The following RIMBP2 variants were observed in gnomAD, a reference collection of about 807,000 sequenced individuals.
RIMBP2 encodes RIMS binding protein 2, also known as RIMS-binding protein 2.
In RIMBP2, 48 loss-of-function variants were observed where a neutral mutation model predicts 118.6. That is an observed-to-expected ratio of 0.40 (90% CI 0.32 to 0.51). The LOEUF is 0.51. Among genes scored for constraint, RIMBP2 ranks in the 20% least tolerant of loss-of-function variants. The pLI is 0.41. For missense variants in RIMBP2, 1,551 were observed against 1,768.3 expected (o/e 0.88, Z 2.20); for synonymous variants, 762 against 742.9 (o/e 1.03, Z -0.42).
chr12:130,646,373 A>ACTTG, intron 1 of RIMBP2, among the ~76,000 whole-genome samples: 1 of 128,668 alleles, frequency 7.8e-6, no homozygotes, highest in Admixed American at 7.8e-5. Flanking sequence ...CTCCCTCACC[A>ACTTG]CCTCCCTCAC....
rs2078932856 is a variant in RIMBP2 at position 130,450,726 on chromosome 12, T to C, written c.505-450A>G. Among the ~76,000 whole-genome samples the C allele has an allele frequency of 6.7e-6, 1 of 148,818 alleles. No homozygotes were observed. Among genetic ancestry groups the C allele is most frequent in the Non-Finnish European group, 1.5e-5 (1 of 67,586 alleles). The stretch of plus-strand genomic sequence containing the variant: ...GCAGGAATTAGACCACATCACCCCC[T>C]GCCTTAACAGCTTTCAGTGGCTTCA... On this transcript the variant is annotated intron_variant, in intron 8 of 22. Transcript: ENST00000690449. This position sits in a 1 kb window ranked among gnomAD's most constrained non-coding sequence, Gnocchi z 4.8.
chr12:130,611,527 G>T (rs950772730), intron 2 of RIMBP2, among the ~76,000 whole-genome samples: 2 of 152,216 alleles, frequency 1.3e-5, no homozygotes, highest in Non-Finnish European at 2.9e-5. Flanking sequence ...CGCTGCAGGT[G>T]TAAGTGGCAG....
rs770519788 is a variant in RIMBP2 at position 130,478,992 on chromosome 12, G to A, written c.22C>T (p.Arg8Trp). The change falls in exon 5 of 23, where the codon CGG (arginine) becomes TGG (tryptophan). Residue 8 changes from arginine (R) to tryptophan (W), a missense_variant. This residue lies in a region of RIMBP2 where 239 missense variants were observed against 256.8 expected (regional missense o/e 0.93). Transcript: ENST00000690449. Reference sequence around the variant, plus strand: ...TCATGCTCCAACTGCAGCTGCTGCCGCCGTTCAGCCGCCTCTCGCATATGC... The same window carrying A: ...TCATGCTCCAACTGCAGCTGCTGCCACCGTTCAGCCGCCTCTCGCATATGC... MREAAERRQQLQLEHDQA... is the reference protein window; with the variant it reads MREAAERWQQLQLEHDQA... 5 of 1,613,598 alleles carry A rather than the reference G, an allele frequency of 3.1e-6. No individual in the cohort carries two copies. The highest frequency in any genetic ancestry group is 2.2e-5 in the South Asian group (2 of 91,046).
chr12:130,676,628 A>G (rs976243576), intron 1 of RIMBP2, among the ~76,000 whole-genome samples: 3 of 151,900 alleles, frequency 2.0e-5, no homozygotes, highest in Non-Finnish European at 4.4e-5. Context: ...GTCTCAAAAA[A>G]AAAAAGAAAA....
intron 2 of RIMBP2, among the ~76,000 whole-genome samples, chr12:130,605,203 T>C (rs2140484626): frequency 6.6e-6 from 1 of 152,298 alleles, no homozygotes; most frequent in South Asian, 2.1e-4. Flanking sequence ...ATACATACTA[T>C]CCTAATAATA....
At chr12:130,423,397 T>G (rs2076541988) in intron 16 of RIMBP2, among the ~76,000 whole-genome samples, 1 of 152,218 alleles carries the variant, frequency 6.6e-6, no homozygotes, top group Non-Finnish European at 1.5e-5. Context: ...GCACACGGCC[T>G]CAGACCCAAG....
rs559908302 is a variant in RIMBP2 at position 130,656,607 on chromosome 12, C to T, written c.-351-28151G>A. On this transcript the variant is annotated intron_variant, in intron 1 of 22. Transcript: ENST00000690449. Reference sequence around the variant, plus strand: ...GGCTCCCCCTGACTCCTGGCAGCCTCAGGCACTCCTCCGCTTGTGAGCGAC... The same window carrying T: ...GGCTCCCCCTGACTCCTGGCAGCCTTAGGCACTCCTCCGCTTGTGAGCGAC... Among the ~76,000 whole-genome samples, 6 of 152,288 alleles carry T rather than the reference C, an allele frequency of 3.9e-5. No individual in the cohort carries two copies. In the East Asian group the frequency reaches 1.2e-3, roughly 29 times the overall value.
intron 19 of RIMBP2, among the ~76,000 whole-genome samples, chr12:130,409,335 T>TC (rs1201575124): frequency 2.0e-5 from 2 of 98,518 alleles, no homozygotes; most frequent in African/African-American, 4.3e-5. Context: ...AATGTAGCTT[T>TC]TTTTTTTTTT....
chr12:130,460,488 T>C (rs1164463393), intron 6 of RIMBP2, among the ~76,000 whole-genome samples: 1 of 152,084 alleles, frequency 6.6e-6, no homozygotes, highest in African/African-American at 2.4e-5. Context: ...AGGAATAGCA[T>C]TGGTATGAGT....
chr12:130,697,357 C>T (rs1417399239), intron 1 of RIMBP2, among the ~76,000 whole-genome samples: 1 of 152,102 alleles, frequency 6.6e-6, no homozygotes, highest in Admixed American at 6.6e-5. Flanking sequence ...CCCCTCTCTA[C>T]AAAATATCTC....
chr12:130,463,373 G>A (rs2080177416), intron 6 of RIMBP2, among the ~76,000 whole-genome samples: 4 of 152,196 alleles, frequency 2.6e-5, no homozygotes, highest in Admixed American at 2.6e-4. Flanking sequence ...GTCCGGACCA[G>A]GCAGGAACAG....
chr12:130,573,266 A>G (rs1302976639), intron 2 of RIMBP2, among the ~76,000 whole-genome samples: 1 of 151,984 alleles, frequency 6.6e-6, no homozygotes, highest in Non-Finnish European at 1.5e-5. Context: ...TAACAAAGTA[A>G]AAGACTCGGA....
At chr12:130,519,694 C>T (rs1345548441) in intron 2 of RIMBP2, among the ~76,000 whole-genome samples, 1 of 152,146 alleles carries the variant, frequency 6.6e-6, no homozygotes, top group Non-Finnish European at 1.5e-5. Flanking sequence ...CCAAGGTAAA[C>T]TAAGGCAGCA....
chr12:130,572,473 C>A (rs908829205), intron 2 of RIMBP2, among the ~76,000 whole-genome samples: 1 of 152,086 alleles, frequency 6.6e-6, no homozygotes, highest in African/African-American at 2.4e-5. Context: ...ACGGTGGACT[C>A]ATCCTTTACA....
chr12:130,631,076 T>A (rs1206821883), intron 1 of RIMBP2, among the ~76,000 whole-genome samples: 1 of 152,132 alleles, frequency 6.6e-6, no homozygotes, highest in African/African-American at 2.4e-5. Context: ...GCAATGGGTT[T>A]GAAACAAGAT....
At position 130,447,852 on chromosome 12, in the gene RIMBP2, G is replaced by C. The variant is rs1188092506; in HGVS notation, c.581+2348C>G. 6.6e-6 allele frequency among the ~76,000 whole-genome samples: 1 copy of C among 152,226 alleles called. No homozygotes were observed. On this transcript the variant is annotated intron_variant, in intron 9 of 22. Transcript: ENST00000690449. The surrounding 1 kb of genome is among the most constrained non-coding windows in gnomAD (Gnocchi z 4.4). The stretch of plus-strand genomic sequence containing the variant: ...AGGCAGCCCCTGCATGGAGGGCGGG[G>C]AGAGGCCGCTCGGCACCCAGAGTGA...
intron 7 of RIMBP2, among the ~76,000 whole-genome samples, chr12:130,455,140 C>G (rs1347415980): frequency 1.3e-5 from 2 of 152,262 alleles, no homozygotes; most frequent in African/African-American, 4.8e-5. Flanking sequence ...GAGTGGGGCT[C>G]TGTGTGGCCC....
intron 1 of RIMBP2, among the ~76,000 whole-genome samples, chr12:130,664,389 GCACA>G (rs559660899): frequency 3.3e-4 from 27 of 82,592 alleles, no homozygotes; most frequent in African/African-American, 9.1e-4. Context: ...GCACGCGCAT[GCACA>G]CACACGCACG....
intron 2 of RIMBP2, among the ~76,000 whole-genome samples, chr12:130,614,160 C>T (rs529214560): frequency 6.6e-6 from 1 of 152,322 alleles, no homozygotes; most frequent in Admixed American, 6.5e-5. Flanking sequence ...TGCACGTATA[C>T]TATGTGACTG....
Sources: gnomAD v4.1 joint callset for allele counts (sites outside exome capture counted in the v4.1 genomes callset) on GRCh38, gnomAD v4.1.1 for gene constraint, gnomAD v4.1.1 regional missense constraint, Gnocchi (gnomAD v3.1) non-coding constraint, MANE v1.5 for transcripts, NCBI Gene and HGNC (gene_info 2026-07-23, HGNC 2026-07-21) for gene names.